PCDHGA7: variants seen among roughly 807,000 people sequenced by gnomAD.
The protein encoded by PCDHGA7 is protocadherin gamma-A7.
PCDHGA7 carries 44 observed loss-of-function variants against 58.3 expected under a neutral mutation model. The observed-to-expected ratio is 0.75, with a 90% CI of 0.59 to 0.97. The LOEUF is 0.97. Among genes scored for constraint, PCDHGA7 ranks in the 50% least tolerant of loss-of-function variants. The pLI, the probability that PCDHGA7 is intolerant of heterozygous loss-of-function variation, is 0.00. For synonymous variants in PCDHGA7, 516 were observed against 504.2 expected, an observed-to-expected ratio of 1.02 and a Z score of -0.31; for missense variants, 1,266 against 1,188.7, an observed-to-expected ratio of 1.06 and a Z score of -0.96.
intron 1 of PCDHGA7, chr5:141,394,332 A>T (rs1270394666): frequency 1.9e-6 from 3 of 1,614,010 alleles, no homozygotes; most frequent in Non-Finnish European, 2.5e-6. Flanking sequence ...GTATATCTCC[A>T]TCAACTCTGA....
chr5:141,438,627 TATATATATACACAC>T (rs1407400493), intron 1 of PCDHGA7, among the ~76,000 whole-genome samples: 2,053 of 47,724 alleles, frequency 0.043, 22 homozygotes, highest in African/African-American at 0.13. Context: ...TATATATATA[TATATATATACACAC>T]ACACACACAC....
intron 1 of PCDHGA7, among the ~76,000 whole-genome samples, chr5:141,451,985 A>G (rs1460304088): frequency 6.6e-6 from 1 of 152,202 alleles, no homozygotes; most frequent in Non-Finnish European, 1.5e-5. Context: ...TAGTTTGTTC[A>G]TTAGAAGCAA....
At position 141,431,496 on chromosome 5, in the gene PCDHGA7, A is replaced by C. The variant is rs1223687647; in HGVS notation, c.2424+46173A>C. On this transcript the variant is annotated intron_variant, in intron 1 of 3. Coordinates refer to ENST00000518325, the MANE Select transcript of PCDHGA7 (RefSeq NM_018920.4). This position sits in a 1 kb window ranked among gnomAD's most constrained non-coding sequence, Gnocchi z 4.8. ...AACGCACCAGCGTTTGCTCAGCCCGAGTACCGCGCGAGCGTTCCGGAGAAT... is the reference window on the plus strand; with the variant it reads ...AACGCACCAGCGTTTGCTCAGCCCGCGTACCGCGCGAGCGTTCCGGAGAAT... 5 of 1,614,020 alleles carry C rather than the reference A, an allele frequency of 3.1e-6. No individual in the cohort carries two copies. The South Asian group carries it at 4.4e-5, about 14-fold the overall frequency.
intron 1 of PCDHGA7, among the ~76,000 whole-genome samples, chr5:141,455,246 G>A (rs2098817522): frequency 6.6e-6 from 1 of 151,962 alleles, no homozygotes; most frequent in Non-Finnish European, 1.5e-5. Context: ...AAAGGTCATA[G>A]TACAATCGCA....
chr5:141,427,956 C>T, intron 1 of PCDHGA7: 1 of 1,587,304 alleles, frequency 6.3e-7, no homozygotes, highest in African/African-American at 1.3e-5. Context: ...TGACAATGTG[C>T]CGCGGGTGCT....
intron 2 of PCDHGA7, among the ~76,000 whole-genome samples, chr5:141,504,211 A>G (rs2099836609): frequency 6.6e-6 from 1 of 152,218 alleles, no homozygotes. Flanking sequence ...GGAAAATTCC[A>G]AGTAGAGCTG....
intron 1 of PCDHGA7, among the ~76,000 whole-genome samples, chr5:141,444,192 A>ATT: frequency 1.9e-5 from 1 of 52,730 alleles, no homozygotes; most frequent in African/African-American, 7.7e-5. Flanking sequence ...TTTTTTTGAG[A>ATT]TGGAGTTTCA....
Position 141,447,048 on chromosome 5 carries a change from A to G in PCDHGA7, c.2425-47759A>G, listed in dbSNP as rs149112101. Among the ~76,000 whole-genome samples, 216 of 152,182 alleles carry G rather than the reference A, an allele frequency of 1.4e-3. 1 individual carries two copies. Among genetic ancestry groups the G allele is most frequent in the African/African-American group, 4.8e-3 (198 of 41,512 alleles). On this transcript the variant is annotated intron_variant, in intron 1 of 3. Transcript: ENST00000518325. ...GTTTTTTTTCTGTGTCTGGAATTCT[A>G]TTAAAATGTGTCAGGCTGTTTTAAT...
Position 141,402,817 on chromosome 5 carries a change from C to T in PCDHGA7, c.2424+17494C>T, listed in dbSNP as rs1040353038. On this transcript the variant is annotated intron_variant, in intron 1 of 3. Transcript: ENST00000518325. ...ACAAAACCCGGCAGATACCACAAACCTGCTCCCAGGCTGCAGCAAAACTCA... is the reference window on the plus strand; with the variant it reads ...ACAAAACCCGGCAGATACCACAAACTTGCTCCCAGGCTGCAGCAAAACTCA... The T allele has an allele frequency of 6.3e-6, 8 of 1,267,616 alleles. No homozygotes were observed. In the African/African-American group the frequency reaches 1.2e-4, roughly 19 times the overall value. The allele number at this position is 1,267,616 out of a possible 1,614,324, so 78.5% of individuals were successfully genotyped here.
rs11410533 is a variant in PCDHGA7, at chr5:141,429,387, TAAAA to T, written c.2424+44069_2424+44072del. Among the ~76,000 whole-genome samples, 383 of 151,446 alleles carry T rather than the reference TAAAA, an allele frequency of 2.5e-3. 1 individual carries two copies. The highest frequency in any genetic ancestry group is 4.2e-3 in the South Asian group (20 of 4,786). ...AAATGGAGAAAATGTGTTTTTTTTT[TAAAA>T]AAAATTGAGATTAAGGTCTCATTAT... On this transcript the variant is annotated intron_variant, in intron 1 of 3. Transcript: ENST00000518325.
intron 1 of PCDHGA7, chr5:141,395,626 G>A (rs57582939): frequency 0.038 from 6,997 of 184,208 alleles, 191 homozygotes; most frequent in African/African-American, 0.067. Context: ...TTATCAAGAA[G>A]TCTAAAGCCT....
chr5:141,421,926 C>T, intron 1 of PCDHGA7: 1 of 1,613,460 alleles, frequency 6.2e-7, no homozygotes, highest in Non-Finnish European at 8.5e-7. Context: ...GTGTGGTGGT[C>T]CTCGATGTAA....
At chr5:141,433,347 C>T (rs1207853986) in intron 1 of PCDHGA7, 3 of 626,596 alleles carry the variant, frequency 4.8e-6, no homozygotes, top group Non-Finnish European at 8.3e-6. Context: ...GTGCAAGCCA[C>T]CTACTGTCTG....
chr5:141,418,523 C>T (rs2096266495), intron 1 of PCDHGA7: 1 of 1,613,958 alleles, frequency 6.2e-7, no homozygotes, highest in Non-Finnish European at 8.5e-7. Context: ...GGACCCTCCC[C>T]GAAGCGGTAC....
At chr5:141,460,483 C>G (rs2098990314) in intron 1 of PCDHGA7, among the ~76,000 whole-genome samples, 1 of 152,046 alleles carries the variant, frequency 6.6e-6, no homozygotes, top group African/African-American at 2.4e-5. Flanking sequence ...ATCCAATTGT[C>G]TCTTTGGAAA....
At chr5:141,397,254 A>G (rs961705126) in intron 1 of PCDHGA7, among the ~76,000 whole-genome samples, 12 of 152,184 alleles carry the variant, frequency 7.9e-5, no homozygotes, top group Non-Finnish European at 1.3e-4. Flanking sequence ...AGGGTATATC[A>G]TTTCTTAGCT....
At chr5:141,414,452 T>G in intron 1 of PCDHGA7, 1 of 1,613,886 alleles carries the variant, frequency 6.2e-7, no homozygotes, top group Non-Finnish European at 8.5e-7. Context: ...AATATCACAG[T>G]GACAGCCACA....
At chr5:141,407,956 A>G (rs2095008608) in intron 1 of PCDHGA7, 1 of 645,868 alleles carries the variant, frequency 1.5e-6, no homozygotes, top group African/African-American at 1.8e-5. Flanking sequence ...CGGCCAGTGC[A>G]GAGCAAGCGC....
Position 141,432,587 on chromosome 5 carries a change from A to C in PCDHGA7, c.2424+47264A>C. ...CGCCTGGCTGTCCTACCGTCTGCTC[A>C]AGGCCAGCGAGCCGGGACTCTTCTC... On this transcript the variant is annotated intron_variant, in intron 1 of 3. Transcript: ENST00000518325. This position sits in a 1 kb window ranked among gnomAD's most constrained non-coding sequence, Gnocchi z 6.0. 1.9e-6 allele frequency: 3 copies of C among 1,613,250 alleles called. No individual in the cohort carries two copies. Among genetic ancestry groups the C allele is most frequent in the Non-Finnish European group, 2.5e-6 (3 of 1,179,918 alleles).
Sources: gnomAD v4.1 joint callset for allele counts (sites outside exome capture counted in the v4.1 genomes callset) on GRCh38, gnomAD v4.1.1 for gene constraint, Gnocchi (gnomAD v3.1) non-coding constraint, MANE v1.5 for transcripts, NCBI Gene and HGNC (gene_info 2026-07-23, HGNC 2026-07-21) for gene names.